Variants in PACS2 observed in about 807,000 individuals in gnomAD.
PACS2 encodes the protein phosphofurin acidic cluster sorting protein 2.
In PACS2, 36 loss-of-function variants were observed where a neutral mutation model predicts 113.0. The observed-to-expected ratio is 0.32, with a 90% CI of 0.24 to 0.42. The LOEUF (loss-of-function observed/expected upper bound fraction) is 0.42. Among genes scored for constraint, PACS2 ranks in the 10% least tolerant of loss-of-function variants. The pLI is 1.00. For synonymous variants in PACS2, 589 were observed against 536.1 expected (o/e 1.10, Z -1.36); for missense variants, 1,015 against 1,239.5 (o/e 0.82, Z 2.72).
intron 1 of PACS2, among the ~76,000 whole-genome samples, chr14:105,319,843 ATT>A (rs1374765140): frequency 6.6e-6 from 1 of 152,238 alleles, no homozygotes; most frequent in Non-Finnish European, 1.5e-5. Flanking sequence ...GTCTCATCCT[ATT>A]CATGACTTGC....
chr14:105,361,712 G>T (rs1449138096), intron 4 of PACS2, among the ~76,000 whole-genome samples: 1 of 152,184 alleles, frequency 6.6e-6, no homozygotes. Context: ...CACTTTGGGA[G>T]GCCAAGGCGG....
rs1323056007 is a variant in PACS2, at chr14:105,397,133, C to G, written c.*2461C>G. 6.6e-6 allele frequency: 1 copy of G among 152,338 alleles called. No homozygotes were observed. The highest frequency in any genetic ancestry group is 6.5e-5 in the Admixed American group (1 of 15,284). The allele number at this position is 152,338 out of a possible 1,614,324, so 9.4% of individuals were successfully genotyped here. On this transcript the variant is annotated 3_prime_UTR_variant, in exon 25 of 25. Coordinates refer to ENST00000447393, the MANE Select transcript of PACS2 (RefSeq NM_001100913.3). ...GCACCCAGGAGCCCCACGGTCCATC[C>G]CCCACACCATGCCCAGCACCAGGGA...
At chr14:105,304,885 C>T (rs2058141195) in intron 1 of PACS2, among the ~76,000 whole-genome samples, 1 of 152,322 alleles carries the variant, frequency 6.6e-6, no homozygotes, top group South Asian at 2.1e-4. Flanking sequence ...ACGGGAAAGA[C>T]CTGCCCCCAT....
At chr14:105,333,998 C>T (rs1053621449) in intron 1 of PACS2, among the ~76,000 whole-genome samples, 1 of 152,270 alleles carries the variant, frequency 6.6e-6, no homozygotes, top group Non-Finnish European at 1.5e-5. Flanking sequence ...AGACACCTGT[C>T]AGGGCCCTTC....
At position 105,352,474 on chromosome 14, in the gene PACS2, C is replaced by A; in HGVS notation, c.297+7C>A. The A allele has an allele frequency of 6.4e-7, 1 of 1,563,656 alleles. No individual in the cohort carries two copies. The highest frequency in any genetic ancestry group is 1.1e-5 in the South Asian group (1 of 90,082). The stretch of plus-strand genomic sequence containing the variant: ...CCTGACCTTCTCCTTGCAGGTGAGT[C>A]TTTCACCAGTGGTGACGACACCCTC... On this transcript the variant is annotated splice_region_variant and intron_variant, in intron 3 of 24. Transcript: ENST00000447393.
chr14:105,362,252 A>T (rs1398752946), intron 4 of PACS2, among the ~76,000 whole-genome samples: 2 of 148,766 alleles, frequency 1.3e-5, no homozygotes, highest in Non-Finnish European at 3.0e-5. Context: ...CACCGTCTCT[A>T]CTGAAAATAT....
intron 1 of PACS2, among the ~76,000 whole-genome samples, chr14:105,321,846 CCTT>C (rs1289303022): frequency 1.3e-5 from 2 of 151,724 alleles, no homozygotes; most frequent in Non-Finnish European, 2.9e-5. Context: ...ATTTTTCTAT[CCTT>C]TTTAAAAACC....
chr14:105,392,125 T>A (rs1205322996), intron 22 of PACS2: 4 of 351,210 alleles, frequency 1.1e-5, no homozygotes, highest in Non-Finnish European at 2.1e-5. Flanking sequence ...CTTCGATAGC[T>A]GTGCTGAGGC....
chr14:105,367,980 C>T lies in PACS2; in HGVS notation c.587-94C>T, dbSNP rs1019866723. 3.7e-6 allele frequency: 3 copies of T among 808,878 alleles called. No individual in the cohort carries two copies. In the Admixed American group the frequency reaches 5.6e-5, roughly 15 times the overall value. The allele number at this position is 808,878 out of a possible 1,614,324, so 50.1% of individuals were successfully genotyped here. A position where few individuals can be genotyped will look rare whatever the true frequency, so the allele number is the denominator to read the frequency against. ...GCATGGATCCACCTCCTCGCTGCCCCCACTCTGTGTCCAGGGAAGCCTGGG... is the reference window on the plus strand; with the variant it reads ...GCATGGATCCACCTCCTCGCTGCCCTCACTCTGTGTCCAGGGAAGCCTGGG... On this transcript the variant is annotated intron_variant, in intron 5 of 24. Coordinates refer to ENST00000447393, the MANE Select transcript of PACS2 (RefSeq NM_001100913.3).
At chr14:105,344,252 T>G (rs2059835884) in intron 1 of PACS2, among the ~76,000 whole-genome samples, 2 of 149,010 alleles carry the variant, frequency 1.3e-5, no homozygotes, top group African/African-American at 2.5e-5. Flanking sequence ...TGCCTGGAAG[T>G]TTTTTTTTGT....
chr14:105,307,900 C>A (rs1007449717), intron 1 of PACS2, among the ~76,000 whole-genome samples: 2 of 152,192 alleles, frequency 1.3e-5, no homozygotes, highest in Non-Finnish European at 2.9e-5. Flanking sequence ...AGTCAAGGGC[C>A]AGGCCAGGAC....
chr14:105,351,197 C>G (rs1159210878), intron 2 of PACS2, among the ~76,000 whole-genome samples: 1 of 152,240 alleles, frequency 6.6e-6, no homozygotes, highest in Non-Finnish European at 1.5e-5. Flanking sequence ...TCTCGGGGCA[C>G]GAGGTCCCCA....
intron 8 of PACS2, chr14:105,372,457 C>T (rs2061191832): frequency 1.3e-5 from 2 of 152,176 alleles, no homozygotes; most frequent in Admixed American, 1.3e-4. Context: ...ATTTAAATTA[C>T]CTAGATTCTA....
chr14:105,353,572 TTGAG>T (rs781888387), intron 3 of PACS2, among the ~76,000 whole-genome samples: 1 of 152,088 alleles, frequency 6.6e-6, no homozygotes, highest in Non-Finnish European at 1.5e-5. Context: ...GTTTATTAGG[TTGAG>T]TTTTTCTTTG....
chr14:105,313,109 C>T (rs771797498), upstream of PACS2, among the ~76,000 whole-genome samples: 6 of 152,276 alleles, frequency 3.9e-5, no homozygotes, highest in South Asian at 2.1e-4. Flanking sequence ...TTAGTCACCC[C>T]GCATCTCCTC....
chr14:105,351,652 A>G (rs1312774776), intron 2 of PACS2, among the ~76,000 whole-genome samples: 3 of 152,194 alleles, frequency 2.0e-5, no homozygotes, highest in African/African-American at 7.2e-5. Context: ...AGTCTGGGCA[A>G]CATGACTAAT....
In PACS2 at chr14:105,379,799, C is replaced by T. The variant is rs782574974; in HGVS notation, c.1020C>T (p.Ser340=). ...SSQTEIGSIH[S]ARSHKEPPSP... ...AGACGGAGATTGGGAGCATCCACAG[C>T]GCCCGCAGCCACAAGGAGCCCCCAA... is the stretch of plus-strand genomic sequence containing the variant. The change falls in exon 10 of 25, where the codon AGC becomes AGT. Residue 340 remains serine, a synonymous_variant. Transcript: ENST00000447393. 2.5e-5 allele frequency: 41 copies of T among 1,613,306 alleles called. No homozygotes were observed. Among genetic ancestry groups the T allele is most frequent in the South Asian group, 1.8e-4 (16 of 91,092 alleles).
chr14:105,328,965 A>AT (rs983311259), intron 1 of PACS2, among the ~76,000 whole-genome samples: 3 of 152,170 alleles, frequency 2.0e-5, no homozygotes, highest in Admixed American at 1.3e-4. Flanking sequence ...CAGTCGGAAA[A>AT]TTTGTAGCAA....
At chr14:105,337,857 G>T (rs587680522) in intron 1 of PACS2, among the ~76,000 whole-genome samples, 3 of 152,342 alleles carry the variant, frequency 2.0e-5, no homozygotes, top group Non-Finnish European at 2.9e-5. Context: ...TTGAAGGGGT[G>T]CCCACCCTTG....
Sources: gnomAD v4.1 joint callset for allele counts (sites outside exome capture counted in the v4.1 genomes callset) on GRCh38, gnomAD v4.1.1 for gene constraint, MANE v1.5 for transcripts, NCBI Gene and HGNC (gene_info 2026-07-23, HGNC 2026-07-21) for gene names.